AHR: variants seen among roughly 807,000 people sequenced by gnomAD.
AHR encodes AH-receptor.
Under a neutral mutation model 86.8 loss-of-function variants are expected in AHR, and 40 were observed. The observed-to-expected ratio is 0.46, with a 90% CI of 0.36 to 0.60. The LOEUF (loss-of-function observed/expected upper bound fraction) is 0.60, where lower values mean the gene tolerates loss of function less well. Among genes scored for constraint, AHR ranks in the 20% least tolerant of loss-of-function variants. The probability of loss-of-function intolerance (pLI) is 0.00; values close to 1 mark genes in which losing one functional copy is unlikely to be tolerated. For missense variants in AHR, 1,001 were observed against 1,011.6 expected, an observed-to-expected ratio of 0.99 and a Z score of 0.14; for synonymous variants, 398 against 354.9, an observed-to-expected ratio of 1.12 and a Z score of -1.37.
chr7:17,298,700 A>G lies in AHR; in HGVS notation c.-565A>G. The G allele has an allele frequency of 2.5e-6, 1 of 395,860 alleles. No homozygotes were observed. The highest frequency in any genetic ancestry group is 4.5e-6 in the Non-Finnish European group (1 of 224,616). The allele number at this position is 395,860 out of a possible 1,614,324, so 24.5% of individuals were successfully genotyped here. A position where few individuals can be genotyped will look rare whatever the true frequency, so the allele number is the denominator to read the frequency against. On this transcript the variant is annotated 5_prime_UTR_variant, in exon 1 of 11. Transcript: ENST00000242057. The stretch of plus-strand genomic sequence containing the variant: ...GCTCTGTTCCGAGAGCGTGCCCCGG[A>G]CCGCCAGCTCAGAACAGGGGCAGCC...
intron 2 of AHR, among the ~76,000 whole-genome samples, chr7:17,319,715 G>A (rs1161953933): frequency 6.6e-6 from 1 of 151,958 alleles, no homozygotes; most frequent in Non-Finnish European, 1.5e-5. Flanking sequence ...ATATATACAT[G>A]AAAATGAGTA....
intron 2 of AHR, among the ~76,000 whole-genome samples, chr7:17,318,509 G>A (rs558055981): frequency 6.6e-6 from 1 of 152,160 alleles, no homozygotes; most frequent in African/African-American, 2.4e-5. Context: ...ATATTTTGGT[G>A]GTTTACTATC....
intron 10 of AHR, 119 bp downstream of exon 10, chr7:17,340,347 G>A: frequency 1.5e-6 from 2 of 1,315,752 alleles, no homozygotes; most frequent in Non-Finnish European, 2.0e-6. Flanking sequence ...CATGGAGACA[G>A]CATTTTTTAT....
chr7:17,320,867 G>A (rs972815127), intron 2 of AHR, among the ~76,000 whole-genome samples: 4 of 152,070 alleles, frequency 2.6e-5, no homozygotes, highest in Admixed American at 2.0e-4. Flanking sequence ...TTCAGAGACC[G>A]TGCTTTTGGC....
At chr7:17,301,125 T>C (rs1170898547) in intron 1 of AHR, among the ~76,000 whole-genome samples, 1 of 152,130 alleles carries the variant, frequency 6.6e-6, no homozygotes, top group East Asian at 1.9e-4. Context: ...CACATTTTGT[T>C]AGCATAGATG....
intron 3 of AHR, among the ~76,000 whole-genome samples, chr7:17,326,164 C>T (rs1332592152): frequency 6.6e-6 from 1 of 152,104 alleles, no homozygotes. Context: ...TGGAACATGG[C>T]ACTTACCTCA....
intron 1 of AHR, 36 bp downstream of exon 1, chr7:17,299,365 G>C (rs2115347223): frequency 1.9e-6 from 3 of 1,606,318 alleles, no homozygotes; most frequent in Middle Eastern, 1.7e-4. Flanking sequence ...CGCGGGGGCT[G>C]GGCGCTCAGG....
intron 1 of AHR, among the ~76,000 whole-genome samples, chr7:17,300,488 A>C (rs1781943864): frequency 6.6e-6 from 1 of 152,156 alleles, no homozygotes; most frequent in African/African-American, 2.4e-5. Context: ...TCATTCTAAA[A>C]TTTTAGTTTC....
chr7:17,330,135 G>A (rs1782271786), intron 5 of AHR, 60 bp downstream of exon 5: 1 of 1,533,570 alleles, frequency 6.5e-7, no homozygotes, highest in Non-Finnish European at 8.9e-7. Flanking sequence ...TCTGTGAAAG[G>A]AGGCTGGGAA....
At chr7:17,318,349 C>T (rs1480628148) in intron 2 of AHR, among the ~76,000 whole-genome samples, 1 of 152,008 alleles carries the variant, frequency 6.6e-6, no homozygotes, top group Non-Finnish European at 1.5e-5. Context: ...TGGTTAAATG[C>T]ATGTGGGAAT....
chr7:17,335,034 C>T lies in AHR; in HGVS notation c.1018+38C>T, dbSNP rs201375419. On this transcript the variant is annotated intron_variant, in intron 8 of 10. Transcript: ENST00000242057. ...TCCTTATGAACATGTCAGAAGAAAACGGCATATACTGTTGTACATGTTTCA... is the reference window on the plus strand; with the variant it reads ...TCCTTATGAACATGTCAGAAGAAAATGGCATATACTGTTGTACATGTTTCA... The T allele has an allele frequency of 5.4e-5, 78 of 1,447,760 alleles. No homozygotes were observed. In the East Asian group the frequency reaches 1.5e-3, roughly 29 times the overall value. The allele number at this position is 1,447,760 out of a possible 1,614,324, so 89.7% of individuals were successfully genotyped here. A position where few individuals can be genotyped will look rare whatever the true frequency, so the allele number is the denominator to read the frequency against.
intron 1 of AHR, 28 bp downstream of exon 1, chr7:17,299,357 C>T: frequency 1.2e-6 from 2 of 1,609,100 alleles, no homozygotes; most frequent in South Asian, 1.1e-5. Flanking sequence ...GTCCTCATCG[C>T]GGGGGCTGGG....
intron 4 of AHR, 84 bp from the exon 5 acceptor site, chr7:17,329,868 C>G: frequency 7.9e-7 from 1 of 1,262,450 alleles, no homozygotes; most frequent in East Asian, 2.5e-5. Context: ...CAAGCACCCA[C>G]TAATCTAAAT....
At chr7:17,302,500 A>G (rs1270267612) in intron 1 of AHR, among the ~76,000 whole-genome samples, 1 of 152,030 alleles carries the variant, frequency 6.6e-6, no homozygotes, top group Non-Finnish European at 1.5e-5. Context: ...AAATAAAAGA[A>G]TGGGTCTTTT....
At chr7:17,301,711 A>G (rs1438409037) in intron 1 of AHR, among the ~76,000 whole-genome samples, 1 of 151,876 alleles carries the variant, frequency 6.6e-6, no homozygotes, top group African/African-American at 2.4e-5. Flanking sequence ...AATTATCTTT[A>G]TTAGTAGGAA....
chr7:17,309,559 A>T (rs1023326159), intron 1 of AHR, among the ~76,000 whole-genome samples: 21 of 152,366 alleles, frequency 1.4e-4, no homozygotes, highest in African/African-American at 5.0e-4. Context: ...CAAAGGAAGT[A>T]TGATTTTCAT....
At chr7:17,322,644 C>A in intron 3 of AHR, 37 bp downstream of exon 3, 1 of 1,286,274 alleles carries the variant, frequency 7.8e-7, no homozygotes, top group Non-Finnish European at 1.1e-6. Context: ...ACACTAAGGA[C>A]AGTTGTAAAT....
intron 2 of AHR, among the ~76,000 whole-genome samples, chr7:17,313,552 T>C (rs1235600912): frequency 2.6e-5 from 4 of 152,142 alleles, no homozygotes; most frequent in Non-Finnish European, 4.4e-5. Flanking sequence ...TTCTTAAAGT[T>C]TGGAACCATG....
intron 3 of AHR, among the ~76,000 whole-genome samples, chr7:17,326,403 A>G (rs918759191): frequency 6.6e-6 from 1 of 152,202 alleles, no homozygotes; most frequent in Non-Finnish European, 1.5e-5. Flanking sequence ...CATAAGCACT[A>G]GGGCAAAGAC....
Sources: allele counts gnomAD v4.1 joint callset (sites outside exome capture counted in the v4.1 genomes callset), GRCh38; gene constraint gnomAD v4.1.1; transcripts MANE v1.5; gene names NCBI Gene and HGNC (gene_info 2026-07-23, HGNC 2026-07-21).